The following FBXW7 variants were observed in gnomAD, a reference collection of about 807,000 sequenced individuals.
FBXW7 encodes the protein F-box and WD repeat domain containing 7.
FBXW7 carries 11 observed loss-of-function variants against 86.3 expected under a neutral mutation model. The ratio of observed to expected loss-of-function variants is 0.13; its 90% CI spans 0.08 to 0.21. FBXW7 has a LOEUF of 0.21. Ranked by LOEUF, FBXW7 falls within the 10% of genes least tolerant of loss-of-function variation. FBXW7 has a pLI of 1.00. For synonymous variants in FBXW7, 313 were observed against 297.9 expected, an observed-to-expected ratio of 1.05 and a Z score of -0.52; for missense variants, 488 against 847.4, an observed-to-expected ratio of 0.58 and a Z score of 5.27.
chr4:152,520,521 T>C, intron 2 of FBXW7, among the ~76,000 whole-genome samples: 1 of 152,046 alleles, frequency 6.6e-6, no homozygotes, highest in East Asian at 1.9e-4. Flanking sequence ...AGTTGTCCTC[T>C]TTCTTTCCTA....
intron 2 of FBXW7, among the ~76,000 whole-genome samples, chr4:152,534,011 A>G (rs1750241856): frequency 6.6e-6 from 1 of 152,200 alleles, no homozygotes; most frequent in African/African-American, 2.4e-5. Flanking sequence ...ATTCTGCTCT[A>G]TGTTTAACCC....
chr4:152,517,190 AG>A (rs1340385249), intron 2 of FBXW7, among the ~76,000 whole-genome samples: 8 of 152,172 alleles, frequency 5.3e-5, no homozygotes, highest in African/African-American at 1.7e-4. Flanking sequence ...TCCATTTCTA[AG>A]GAAGTGTAAA....
At chr4:152,413,582 A>C (rs1738166680) in intron 2 of FBXW7, among the ~76,000 whole-genome samples, 1 of 152,124 alleles carries the variant, frequency 6.6e-6, no homozygotes. Context: ...ATGCACCTTA[A>C]AGTAACTACA....
intron 4 of FBXW7, among the ~76,000 whole-genome samples, chr4:152,369,242 T>C (rs779731029): frequency 6.6e-6 from 1 of 152,118 alleles, no homozygotes; most frequent in Non-Finnish European, 1.5e-5. Flanking sequence ...GGTTATTTCA[T>C]TTTATCCTTA....
intron 4 of FBXW7, among the ~76,000 whole-genome samples, chr4:152,399,118 C>G (rs990270463): frequency 2.6e-5 from 4 of 152,096 alleles, no homozygotes; most frequent in African/African-American, 9.7e-5. Context: ...CAAGCTAAAC[C>G]TTTAGAAGCT....
At chr4:152,359,687 C>T (rs1244279916) in intron 4 of FBXW7, among the ~76,000 whole-genome samples, 2 of 151,794 alleles carry the variant, frequency 1.3e-5, no homozygotes, top group African/African-American at 2.4e-5. Flanking sequence ...CACTTGAACC[C>T]GGAAGGCAGA....
intron 12 of FBXW7, chr4:152,324,684 G>T: frequency 3.1e-6 from 1 of 324,756 alleles, no homozygotes; most frequent in South Asian, 3.9e-5. Context: ...TGAACAATAT[G>T]TTAATTTTCA....
intron 2 of FBXW7, among the ~76,000 whole-genome samples, chr4:152,491,504 G>C (rs1160890567): frequency 6.6e-6 from 1 of 152,072 alleles, no homozygotes; most frequent in African/African-American, 2.4e-5. Flanking sequence ...ATCAGAAAAG[G>C]CTTTCCCCCA....
intron 2 of FBXW7, among the ~76,000 whole-genome samples, chr4:152,508,664 AAAGAAAAAAAAAAC>A (rs1305831400): frequency 2.0e-5 from 3 of 151,854 alleles, no homozygotes; most frequent in Non-Finnish European, 4.4e-5. Flanking sequence ...CAAAAAAAAA[AAAGAAAAAAAAAAC>A]AGCAAGGAAG....
chr4:152,414,463 G>GTC (rs1738253335), intron 2 of FBXW7, among the ~76,000 whole-genome samples: 1 of 152,074 alleles, frequency 6.6e-6, no homozygotes, highest in African/African-American at 2.4e-5. Context: ...GTGATACTCT[G>GTC]CACAGTATAT....
intron 2 of FBXW7, among the ~76,000 whole-genome samples, chr4:152,488,056 C>T (rs1475889775): frequency 1.3e-5 from 2 of 152,034 alleles, no homozygotes; most frequent in African/African-American, 4.8e-5. Flanking sequence ...CAGTTTAATA[C>T]TTCCTGTATC....
intron 2 of FBXW7, among the ~76,000 whole-genome samples, chr4:152,487,084 T>G (rs1745413597): frequency 6.6e-6 from 1 of 152,074 alleles, no homozygotes; most frequent in Non-Finnish European, 1.5e-5. Context: ...GGACAGAAAC[T>G]CCTTTACAGA....
chr4:152,333,068 T>C (rs1201229558), intron 7 of FBXW7, among the ~76,000 whole-genome samples: 1 of 152,132 alleles, frequency 6.6e-6, no homozygotes, highest in African/African-American at 2.4e-5. Flanking sequence ...CCTACTACAA[T>C]GTAAATTCAC....
intron 4 of FBXW7, among the ~76,000 whole-genome samples, chr4:152,353,982 C>A (rs929586255): frequency 1.3e-5 from 2 of 152,088 alleles, no homozygotes; most frequent in African/African-American, 4.8e-5. Flanking sequence ...ACCATTTGGA[C>A]TTACTAACAT....
rs2126512419 is a variant in FBXW7 at position 152,328,208 on chromosome 4, C to CT, written c.1417dup (p.Arg473LysfsTer4). ...CAACCATGACAAGATTTTCCCTTAC[C>CT]TTTTTTCATGAAGATGCATACAACG... On this transcript the variant is annotated frameshift_variant and splice_region_variant, in exon 11 of 14. Transcript: ENST00000281708. LOFTEE classifies it high-confidence loss of function. 1 of 1,581,532 alleles carries CT rather than the reference C, an allele frequency of 6.3e-7. No individual in the cohort carries two copies. Among genetic ancestry groups the CT allele is most frequent in the Non-Finnish European group, 8.6e-7 (1 of 1,166,888 alleles).
intron 2 of FBXW7, among the ~76,000 whole-genome samples, chr4:152,493,289 C>T (rs1392315870): frequency 2.6e-5 from 4 of 152,036 alleles, no homozygotes; most frequent in Non-Finnish European, 2.9e-5. Flanking sequence ...CTCAGCCTCC[C>T]GAGTAGCTGC....
At chr4:152,376,493 T>C (rs889871907) in intron 4 of FBXW7, among the ~76,000 whole-genome samples, 6 of 152,142 alleles carry the variant, frequency 3.9e-5, no homozygotes, top group African/African-American at 1.4e-4. Flanking sequence ...AGGAGTATAA[T>C]AGATTAAAAT....
chr4:152,374,701 T>C (rs545702940), intron 4 of FBXW7, among the ~76,000 whole-genome samples: 4 of 152,208 alleles, frequency 2.6e-5, no homozygotes, highest in Non-Finnish European at 4.4e-5. Flanking sequence ...TATAACATCA[T>C]TGAGCAGCCC....
At chr4:152,343,653 C>A (rs972184166) in intron 6 of FBXW7, among the ~76,000 whole-genome samples, 2 of 152,030 alleles carry the variant, frequency 1.3e-5, no homozygotes, top group Non-Finnish European at 2.9e-5. Flanking sequence ...TAATTAATGT[C>A]TTTACCCAGT....
Sources: allele counts gnomAD v4.1 joint callset (sites outside exome capture counted in the v4.1 genomes callset), GRCh38; gene constraint gnomAD v4.1.1; transcripts MANE v1.5; gene names NCBI Gene and HGNC (gene_info 2026-07-23, HGNC 2026-07-21).